The following SGCD variants were observed in gnomAD, a reference collection of about 807,000 sequenced individuals.
SGCD encodes the protein sarcoglycan delta, also known as delta-sarcoglycan.
SGCD carries 18 observed loss-of-function variants against 36.6 expected under a neutral mutation model. The observed-to-expected ratio is 0.49, with a 90% CI of 0.34 to 0.73. The LOEUF (loss-of-function observed/expected upper bound fraction) is 0.73. Ranked by LOEUF, SGCD falls within the 30% of genes least tolerant of loss-of-function variation. SGCD has a pLI of 0.01. For synonymous variants in SGCD, 133 were observed against 130.6 expected (o/e 1.02, Z -0.12); for missense variants, 387 against 346.7 (o/e 1.12, Z -0.92).
chr5:156,444,115 T>C (rs1184636590), intron 3 of SGCD, among the ~76,000 whole-genome samples: 40 of 72,826 alleles, frequency 5.5e-4, no homozygotes, highest in South Asian at 5.0e-3. Flanking sequence ...TCTCTCTCTC[T>C]CCCCTTCCCT....
At chr5:156,315,337 C>A (rs1470311494) in intron 3 of SGCD, among the ~76,000 whole-genome samples, 1 of 151,636 alleles carries the variant, frequency 6.6e-6, no homozygotes, top group Non-Finnish European at 1.5e-5. Flanking sequence ...GCTTATTTCA[C>A]TTAACACAAT....
intron 2 of SGCD, among the ~76,000 whole-genome samples, chr5:156,339,222 C>T (rs1176614446): frequency 3.3e-5 from 5 of 152,180 alleles, no homozygotes; most frequent in African/African-American, 1.2e-4. Context: ...GAAAGTTTTA[C>T]TGTATTCACT....
At chr5:156,597,076 G>T (rs1198999845) in intron 6 of SGCD, among the ~76,000 whole-genome samples, 2 of 152,126 alleles carry the variant, frequency 1.3e-5, no homozygotes, top group African/African-American at 4.8e-5. Context: ...CTGGTCAGTG[G>T]TTTATGTGTG....
At chr5:156,637,429 C>T (rs1762870405) in intron 6 of SGCD, among the ~76,000 whole-genome samples, 1 of 152,146 alleles carries the variant, frequency 6.6e-6, no homozygotes, top group Admixed American at 6.5e-5. Flanking sequence ...TCCCCTTGGT[C>T]TTTTTCTCAT....
intron 4 of SGCD, among the ~76,000 whole-genome samples, chr5:156,557,081 A>G (rs966783773): frequency 6.6e-6 from 1 of 152,082 alleles, no homozygotes; most frequent in Admixed American, 6.6e-5. Context: ...CTTTTTCCTA[A>G]GAAGTATTCC....
intron 7 of SGCD, among the ~76,000 whole-genome samples, chr5:156,667,059 A>G (rs1392122794): frequency 1.3e-5 from 2 of 152,226 alleles, no homozygotes; most frequent in Non-Finnish European, 2.9e-5. Context: ...GAGGACTGAC[A>G]TAAAGCTCAA....
intron 6 of SGCD, among the ~76,000 whole-genome samples, chr5:156,599,380 G>GA (rs5872475): frequency 0.16 from 24,368 of 148,824 alleles, 2,469 homozygotes; most frequent in East Asian, 0.31. Flanking sequence ...TATAGAAAAA[G>GA]AAAAAAAAAT....
At chr5:156,021,540 C>A (rs934421932) in intron 1 of SGCD, among the ~76,000 whole-genome samples, 2 of 152,088 alleles carry the variant, frequency 1.3e-5, no homozygotes, top group Non-Finnish European at 1.5e-5. Context: ...ATAATAAAGG[C>A]CTAAATAAAC....
intron 7 of SGCD, among the ~76,000 whole-genome samples, chr5:156,751,057 A>G (rs962664569): frequency 6.6e-6 from 1 of 152,224 alleles, no homozygotes; most frequent in Admixed American, 6.5e-5. Flanking sequence ...AATCGCTAAG[A>G]CATTCTTGAA....
chr5:156,439,199 G>C (rs1580994422), intron 3 of SGCD, among the ~76,000 whole-genome samples: 1 of 152,226 alleles, frequency 6.6e-6, no homozygotes, highest in South Asian at 2.1e-4. Flanking sequence ...TGAAGGAGGT[G>C]CCCTTTGCAA....
At chr5:156,107,394 T>C (rs1463571203) in intron 1 of SGCD, among the ~76,000 whole-genome samples, 1 of 152,150 alleles carries the variant, frequency 6.6e-6, no homozygotes, top group Non-Finnish European at 1.5e-5. Flanking sequence ...AGCTCATCCA[T>C]GGTTTCAGGT....
the SGCD span, among the ~76,000 whole-genome samples, chr5:155,825,791 C>G: frequency 1.3e-5 from 2 of 151,736 alleles, no homozygotes; most frequent in African/African-American, 4.8e-5. Flanking sequence ...CTCTGTCACC[C>G]AAGCTGGAGT....
intron 3 of SGCD, among the ~76,000 whole-genome samples, chr5:156,366,234 G>A (rs1473642167): frequency 6.6e-6 from 1 of 152,154 alleles, no homozygotes; most frequent in Non-Finnish European, 1.5e-5. Context: ...GTGAGGAAGA[G>A]GAACATCATC....
At chr5:156,657,368 G>T (rs1416339072) in intron 7 of SGCD, among the ~76,000 whole-genome samples, 1 of 151,276 alleles carries the variant, frequency 6.6e-6, no homozygotes, top group South Asian at 2.1e-4. Context: ...TTAGCATTAG[G>T]TATATCTCCT....
chr5:155,983,916 T>G (rs1758278741), intron 1 of SGCD, among the ~76,000 whole-genome samples: 1 of 152,136 alleles, frequency 6.6e-6, no homozygotes, highest in Non-Finnish European at 1.5e-5. Context: ...CCCCTAATCT[T>G]GTCCATGGCA....
At chr5:156,383,890 A>G (rs1444457470) in intron 3 of SGCD, among the ~76,000 whole-genome samples, 2 of 152,350 alleles carry the variant, frequency 1.3e-5, no homozygotes, top group East Asian at 1.9e-4. Context: ...ATATATGTAT[A>G]TAATGAAATG....
At chr5:156,317,003 CAAT>C (rs141491808) in intron 3 of SGCD, among the ~76,000 whole-genome samples, 5,618 of 152,108 alleles carry the variant, frequency 0.037, 160 homozygotes, top group African/African-American at 0.081. Context: ...AGAGTTACAA[CAAT>C]GAGTCTGGTC....
intron 1 of SGCD, among the ~76,000 whole-genome samples, chr5:156,013,960 A>T (rs1429937074): frequency 6.7e-6 from 1 of 148,832 alleles, no homozygotes; most frequent in Non-Finnish European, 1.5e-5. Flanking sequence ...TGTCTCCGAG[A>T]TATGTTTTGG....
the SGCD span, among the ~76,000 whole-genome samples, chr5:155,772,099 G>T: frequency 1.3e-5 from 2 of 152,120 alleles, no homozygotes; most frequent in African/African-American, 2.4e-5. Flanking sequence ...AGTAGGGCTG[G>T]CAGTAGGTAC....
Sources: gnomAD v4.1 joint callset for allele counts (sites outside exome capture counted in the v4.1 genomes callset) on GRCh38, gnomAD v4.1.1 for gene constraint, MANE v1.5 for transcripts, NCBI Gene and HGNC (gene_info 2026-07-23, HGNC 2026-07-21) for gene names.